ZNF385D: variants seen among roughly 807,000 people sequenced by gnomAD.
ZNF385D encodes zinc finger protein 385D, also known as zinc finger protein 659.
Under a neutral mutation model 35.8 loss-of-function variants are expected in ZNF385D, and 15 were observed. That is an observed-to-expected ratio of 0.42 (90% CI 0.28 to 0.64). The LOEUF (loss-of-function observed/expected upper bound fraction) is 0.64, where lower values mean the gene tolerates loss of function less well. ZNF385D is among the 30% of genes least tolerant of loss of function. The pLI is 0.23. For missense variants in ZNF385D, 474 were observed against 494.6 expected (o/e 0.96, Z 0.39); for synonymous variants, 212 against 186.8 (o/e 1.13, Z -1.10).
At chr3:22,068,702 T>C (rs1318881017) in intron 3 of ZNF385D, among the ~76,000 whole-genome samples, 1 of 152,198 alleles carries the variant, frequency 6.6e-6, no homozygotes, top group Non-Finnish European at 1.5e-5. Flanking sequence ...CATAATAAAT[T>C]TCTTTTTCTA....
intron 3 of ZNF385D, among the ~76,000 whole-genome samples, chr3:21,980,908 T>A (rs1694400730): frequency 6.6e-6 from 1 of 152,196 alleles, no homozygotes; most frequent in African/African-American, 2.4e-5. Context: ...ATTCTTTTTT[T>A]ATGGTTGCAT....
At chr3:21,978,620 T>C (rs898604861) in intron 3 of ZNF385D, among the ~76,000 whole-genome samples, 7 of 152,210 alleles carry the variant, frequency 4.6e-5, no homozygotes, top group Non-Finnish European at 8.8e-5. Flanking sequence ...TTAGTAAAAA[T>C]TTCCATATGT....
intron 3 of ZNF385D, among the ~76,000 whole-genome samples, chr3:21,945,490 C>A (rs958286947): frequency 6.6e-6 from 1 of 152,128 alleles, no homozygotes; most frequent in African/African-American, 2.4e-5. Context: ...AACTTAATTT[C>A]AATTTCTGTA....
chr3:21,691,474 C>T (rs1021299163), intron 1 of ZNF385D, among the ~76,000 whole-genome samples: 1 of 152,036 alleles, frequency 6.6e-6, no homozygotes, highest in African/African-American at 2.4e-5. Flanking sequence ...CCTTAAATCT[C>T]CTTCCCCTCT....
intron 2 of ZNF385D, among the ~76,000 whole-genome samples, chr3:22,362,394 A>C (rs1416857110): frequency 1.3e-5 from 2 of 152,108 alleles, no homozygotes; most frequent in Non-Finnish European, 2.9e-5. Context: ...CCAACTGTTC[A>C]CCAAATTCCG....
At chr3:22,155,898 A>G (rs1235547162) in intron 3 of ZNF385D, among the ~76,000 whole-genome samples, 1 of 152,098 alleles carries the variant, frequency 6.6e-6, no homozygotes, top group Non-Finnish European at 1.5e-5. Flanking sequence ...ACACATAAGG[A>G]AAGTTAAGAG....
At chr3:21,607,910 G>C (rs774282790) in intron 2 of ZNF385D, among the ~76,000 whole-genome samples, 1 of 151,772 alleles carries the variant, frequency 6.6e-6, no homozygotes, top group Non-Finnish European at 1.5e-5. Flanking sequence ...GTTTTCATGA[G>C]ATGTCCCCTT....
At chr3:22,367,218 C>T (rs1442456338) in intron 2 of ZNF385D, among the ~76,000 whole-genome samples, 1 of 152,090 alleles carries the variant, frequency 6.6e-6, no homozygotes, top group Admixed American at 6.5e-5. Context: ...TCAATCAGTG[C>T]TCTGAGATTT....
At chr3:21,939,418 C>A (rs1479646249) in intron 3 of ZNF385D, among the ~76,000 whole-genome samples, 1 of 152,006 alleles carries the variant, frequency 6.6e-6, no homozygotes, top group Non-Finnish European at 1.5e-5. Context: ...CCTGACTGTA[C>A]AACTTTTTAC....
intron 3 of ZNF385D, among the ~76,000 whole-genome samples, chr3:21,935,432 T>A (rs534770198): frequency 1.3e-5 from 2 of 152,198 alleles, no homozygotes; most frequent in African/African-American, 4.8e-5. Flanking sequence ...AATTGGGACA[T>A]AGATATAAAG....
chr3:21,472,355 A>T (rs1206909786), intron 4 of ZNF385D, among the ~76,000 whole-genome samples: 5 of 152,128 alleles, frequency 3.3e-5, no homozygotes, highest in Non-Finnish European at 7.4e-5. Context: ...AAGGACATAG[A>T]GGAGGACTAT....
intron 3 of ZNF385D, among the ~76,000 whole-genome samples, chr3:21,520,322 T>C (rs1350997448): frequency 6.6e-6 from 1 of 152,200 alleles, no homozygotes; most frequent in Non-Finnish European, 1.5e-5. Flanking sequence ...GAAGACCTGA[T>C]ATTACTCATC....
At chr3:21,792,335 G>C (rs1025425211) in intron 3 of ZNF385D, among the ~76,000 whole-genome samples, 3 of 152,046 alleles carry the variant, frequency 2.0e-5, no homozygotes, top group Admixed American at 6.5e-5. Context: ...TTTGTCTCTA[G>C]GGAAGTAAAC....
At chr3:22,103,044 A>G (rs1702025333) in intron 3 of ZNF385D, among the ~76,000 whole-genome samples, 1 of 151,422 alleles carries the variant, frequency 6.6e-6, no homozygotes, top group East Asian at 1.9e-4. Context: ...GCTTTTATGC[A>G]ACTAAAGTCA....
intron 4 of ZNF385D, among the ~76,000 whole-genome samples, chr3:21,510,417 A>G (rs991904925): frequency 1.3e-5 from 2 of 152,198 alleles, no homozygotes; most frequent in Non-Finnish European, 2.9e-5. Context: ...GGAATTTATG[A>G]CAATAAAGGC....
At chr3:21,978,237 T>A (rs78558654) in intron 3 of ZNF385D, 8,608 of 152,306 alleles carry the variant, frequency 0.057, 412 homozygotes, top group African/African-American at 0.12. Flanking sequence ...GAGAGCAGTG[T>A]CTGTTTCTTA....
chr3:21,738,993 T>G (rs537021463), intron 1 of ZNF385D, among the ~76,000 whole-genome samples: 1 of 152,204 alleles, frequency 6.6e-6, no homozygotes, highest in Admixed American at 6.5e-5. Context: ...CCAGTGATAA[T>G]AGAAAAACAA....
chr3:21,705,487 C>T (rs1277578956), intron 1 of ZNF385D, among the ~76,000 whole-genome samples: 2 of 152,118 alleles, frequency 1.3e-5, no homozygotes, highest in East Asian at 1.9e-4. Context: ...TGAATTCTAC[C>T]GTGTTGAAAA....
intron 4 of ZNF385D, among the ~76,000 whole-genome samples, chr3:21,463,119 T>G (rs531253272): frequency 6.6e-6 from 1 of 152,200 alleles, no homozygotes; most frequent in South Asian, 2.1e-4. Flanking sequence ...TAAAATGATA[T>G]TAAGAGTATT....
Sources: gnomAD v4.1 joint callset for allele counts (sites outside exome capture counted in the v4.1 genomes callset) on GRCh38, gnomAD v4.1.1 for gene constraint, MANE v1.5 for transcripts, NCBI Gene and HGNC (gene_info 2026-07-23, HGNC 2026-07-21) for gene names.